The following DBNDD1 variants were observed in gnomAD, a reference collection of about 807,000 sequenced individuals.
The protein encoded by DBNDD1 is dysbindin domain-containing protein 1.
DBNDD1 carries 14 observed loss-of-function variants against 17.0 expected under a neutral mutation model. That is an observed-to-expected ratio of 0.82 (90% CI 0.54 to 1.29). DBNDD1 has a LOEUF of 1.29. DBNDD1 is among the 50% of genes most tolerant of loss of function. The pLI is 0.00. For missense variants in DBNDD1, 221 were observed against 216.2 expected, an observed-to-expected ratio of 1.02 and a Z score of -0.14; for synonymous variants, 105 against 102.0, an observed-to-expected ratio of 1.03 and a Z score of -0.18.
At chr16:90,013,262 T>TAAAACAAAAAAAAAAAAAAAA (rs2035586472) in intron 1 of DBNDD1, among the ~76,000 whole-genome samples, 1 of 49,182 alleles carries the variant, frequency 2.0e-5, no homozygotes, top group Non-Finnish European at 4.4e-5. Context: ...AACCTTGCCT[T>TAAAACAAAAAAAAAAAAAAAA]AAAAAAAAAA....
At chr16:90,011,623 C>T (rs781588882) in intron 1 of DBNDD1, 36 of 454,370 alleles carry the variant, frequency 7.9e-5, no homozygotes, top group Non-Finnish European at 1.1e-4. Context: ...ATGGCATGGC[C>T]CGTTTCAGGC....
At chr16:90,009,546 A>C in intron 1 of DBNDD1, 116 bp from the exon 2 acceptor site, 1 of 1,479,138 alleles carries the variant, frequency 6.8e-7, no homozygotes, top group Non-Finnish European at 9.2e-7. Flanking sequence ...CTGGGCAGTG[A>C]CCAGCAGGTG....
intron 1 of DBNDD1, among the ~76,000 whole-genome samples, chr16:90,015,059 A>G (rs554340034): frequency 2.6e-5 from 4 of 151,858 alleles, no homozygotes; most frequent in African/African-American, 9.7e-5. Context: ...AGACAGCAAC[A>G]CATCTGTAGC....
At chr16:90,011,161 A>T (rs1274168661) in intron 1 of DBNDD1, among the ~76,000 whole-genome samples, 1 of 152,170 alleles carries the variant, frequency 6.6e-6, no homozygotes, top group Admixed American at 6.5e-5. Flanking sequence ...GTGAGCACTG[A>T]TCGTAGCTGG....
At chr16:90,013,461 G>A (rs907623365) in intron 1 of DBNDD1, among the ~76,000 whole-genome samples, 1 of 152,076 alleles carries the variant, frequency 6.6e-6, no homozygotes, top group Non-Finnish European at 1.5e-5. Flanking sequence ...GCACAGGGCT[G>A]GCCAGGGACG....
In DBNDD1 at chr16:90,019,240, TG is replaced by T. The variant is rs1236423872; in HGVS notation, c.31+70del. Reference sequence around the variant, plus strand: ...CCCGGGAGCGGCGAAGGGTGAGCCCTGGGGGGAGGGGCTGCGGCTCGCTGCG... The same window carrying T: ...CCCGGGAGCGGCGAAGGGTGAGCCCTGGGGGAGGGGCTGCGGCTCGCTGCG... On this transcript the variant is annotated intron_variant, in intron 1 of 3. Coordinates refer to ENST00000002501, the MANE Select transcript of DBNDD1 (RefSeq NM_001042610.3). This position sits in a 1 kb window ranked among gnomAD's most constrained non-coding sequence, Gnocchi z 6.1. The T allele has an allele frequency of 2.0e-5, 16 of 800,748 alleles. No individual in the cohort carries two copies. The highest frequency in any genetic ancestry group is 1.4e-4 in the African/African-American group (8 of 55,214). 49.6% of individuals were successfully genotyped at this position (800,748 alleles called of 1,614,324 possible). A position where few individuals can be genotyped will look rare whatever the true frequency, so the allele number is the denominator to read the frequency against.
rs112834960 is a variant in DBNDD1 at position 90,016,445 on chromosome 16, T to A, written c.31+2866A>T. ...GCGGGTGCTGGCAGCCCCCAAGGTC[T>A]CCAGGGCCAGGGCAGAGGCAAGCAG... On this transcript the variant is annotated intron_variant, in intron 1 of 3. Coordinates refer to ENST00000002501, the MANE Select transcript of DBNDD1 (RefSeq NM_001042610.3). 1.0e-3 allele frequency among the ~76,000 whole-genome samples: 157 copies of A among 152,230 alleles called. 1 individual carries two copies. The highest frequency in any genetic ancestry group is 3.6e-3 in the African/African-American group (151 of 41,544).
chr16:90,007,173 G>C (rs974607038), intron 3 of DBNDD1: 7 of 152,456 alleles, frequency 4.6e-5, no homozygotes, highest in African/African-American at 1.7e-4. Flanking sequence ...GCTGGGGGCT[G>C]ACTCATGAGG....
intron 1 of DBNDD1, among the ~76,000 whole-genome samples, chr16:90,010,936 C>T (rs1407750464): frequency 8.2e-6 from 1 of 121,740 alleles, no homozygotes; most frequent in Non-Finnish European, 1.7e-5. Context: ...TGGCTTCCTT[C>T]CCCCCACCCA....
chr16:90,011,111 C>A (rs1364120758), intron 1 of DBNDD1, among the ~76,000 whole-genome samples: 3 of 152,250 alleles, frequency 2.0e-5, no homozygotes, highest in Admixed American at 2.0e-4. Context: ...GCCAGCAGCA[C>A]CCTGAGGACC....
At chr16:90,011,429 G>A (rs1324370596) in intron 1 of DBNDD1, among the ~76,000 whole-genome samples, 1 of 152,270 alleles carries the variant, frequency 6.6e-6, no homozygotes, top group Non-Finnish European at 1.5e-5. Context: ...TGCAGGGCTG[G>A]GAGGTCCCCA....
intron 1 of DBNDD1, among the ~76,000 whole-genome samples, chr16:90,014,135 AT>A (rs1368309535): frequency 6.7e-6 from 1 of 150,098 alleles, no homozygotes; most frequent in Non-Finnish European, 1.5e-5. Context: ...TATTATTATT[AT>A]TTTTTTTTTG....
intron 1 of DBNDD1, chr16:90,011,527 C>T (rs2035554576): frequency 5.1e-6 from 2 of 391,052 alleles, no homozygotes; most frequent in Non-Finnish European, 1.0e-5. Context: ...AGCCCTGTGG[C>T]CTGACAGTGT....
At chr16:90,013,881 T>C (rs1196367534) in intron 1 of DBNDD1, among the ~76,000 whole-genome samples, 2 of 49,498 alleles carry the variant, frequency 4.0e-5, no homozygotes, top group African/African-American at 7.9e-5. Flanking sequence ...CTACCAAACT[T>C]GGAGGAGGAG....
In DBNDD1 at chr16:90,006,297, AC is replaced by A; in HGVS notation, c.*37del. 6.3e-7 allele frequency: 1 copy of A among 1,578,074 alleles called. No individual in the cohort carries two copies. On this transcript the variant is annotated 3_prime_UTR_variant, in exon 4 of 4. Coordinates refer to ENST00000002501, the MANE Select transcript of DBNDD1 (RefSeq NM_001042610.3). ...TGCCCAGATCTGCCATCGTGTTCGGACCCCATCCCTGCAGGAGCTGGGGCAG... is the reference window on the plus strand; with the variant it reads ...TGCCCAGATCTGCCATCGTGTTCGGACCCATCCCTGCAGGAGCTGGGGCAG...
At chr16:90,012,795 G>A (rs1368809651) in intron 1 of DBNDD1, among the ~76,000 whole-genome samples, 1 of 152,122 alleles carries the variant, frequency 6.6e-6, no homozygotes, top group African/African-American at 2.4e-5. Context: ...CTGTTGCCCA[G>A]GCTGGAGTGC....
intron 1 of DBNDD1, among the ~76,000 whole-genome samples, chr16:90,014,902 G>A (rs1210185996): frequency 2.0e-5 from 3 of 152,006 alleles, no homozygotes; most frequent in African/African-American, 7.3e-5. Context: ...CTACTCAGGA[G>A]GCTGAGGCAG....
chr16:90,019,292 G>A lies in DBNDD1; in HGVS notation c.31+19C>T. The A allele has an allele frequency of 3.3e-6, 4 of 1,213,218 alleles. No individual in the cohort carries two copies. Among genetic ancestry groups the A allele is most frequent in the Non-Finnish European group, 4.1e-6 (4 of 973,622 alleles). 75.2% of individuals were successfully genotyped at this position (1,213,218 alleles called of 1,614,324 possible). A position where few individuals can be genotyped will look rare whatever the true frequency, so the allele number is the denominator to read the frequency against. ...GGGAAGCGCTGCGCGGGGGTCTCGG[G>A]GGCTGGGGCTGAACTCACCTCCGGT... On this transcript the variant is annotated intron_variant, in intron 1 of 3. Transcript: ENST00000002501. The surrounding 1 kb of genome is among the most constrained non-coding windows in gnomAD (Gnocchi z 6.1).
chr16:90,016,361 G>A (rs1411964617), intron 1 of DBNDD1, among the ~76,000 whole-genome samples: 1 of 152,206 alleles, frequency 6.6e-6, no homozygotes, highest in Admixed American at 6.5e-5. Flanking sequence ...CCTCACGGGC[G>A]AGACCTGCTG....
Sources: gnomAD v4.1 joint callset for allele counts (sites outside exome capture counted in the v4.1 genomes callset) on GRCh38, gnomAD v4.1.1 for gene constraint, Gnocchi (gnomAD v3.1) non-coding constraint, MANE v1.5 for transcripts, NCBI Gene and HGNC (gene_info 2026-07-23, HGNC 2026-07-21) for gene names.